Variants in FHL1 observed in about 807,000 individuals in gnomAD.
FHL1 encodes four and a half LIM domains 1, also known as four and a half LIM domains protein 1.
Under a neutral mutation model 20.3 loss-of-function variants are expected in FHL1, and 1 was observed. The ratio of observed to expected loss-of-function variants is 0.05; its 90% CI spans 0.02 to 0.23. The LOEUF is 0.23. FHL1 is among the 10% of genes least tolerant of loss of function. The pLI is 1.00. For missense variants in FHL1, 177 were observed against 234.0 expected (o/e 0.76, Z 1.59); for synonymous variants, 82 against 88.9 (o/e 0.92, Z 0.44).
rs2148373890 is a variant in FHL1, at chrX:136,207,208, C to T, written c.379+18C>T. ...TGTGGCAGGTACTGCCTCCTTCCCACCCCGGGTTCCCAGGGAGGAGGCCCT... is the reference window on the plus strand; with the variant it reads ...TGTGGCAGGTACTGCCTCCTTCCCATCCCGGGTTCCCAGGGAGGAGGCCCT... On this transcript the variant is annotated intron_variant, in intron 3 of 5. Coordinates refer to ENST00000370683, the MANE Select transcript of FHL1 (RefSeq NM_001159699.2). 3.4e-6 allele frequency: 4 copies of T among 1,188,486 alleles called. No individual in the cohort carries two copies. The highest frequency in any genetic ancestry group is 4.5e-6 in the Non-Finnish European group (4 of 880,631).
At chrX:136,155,856 AT>A (rs2072402995) in intron 1 of FHL1, among the ~76,000 whole-genome samples, 1 of 108,829 alleles carries the variant, frequency 9.2e-6, no homozygotes, top group African/African-American at 3.4e-5. Context: ...TCCTGTCGGC[AT>A]TTTACTGCTT....
upstream of FHL1, chrX:136,147,255 C>T (rs374325833): frequency 1.9e-4 from 23 of 122,901 alleles, no homozygotes; most frequent in East Asian, 5.1e-3. Context: ...GCGTGCCCGG[C>T]CCTCTCCAGT....
At chrX:136,163,159 T>C (rs961261454) in intron 1 of FHL1, among the ~76,000 whole-genome samples, 3 of 112,355 alleles carry the variant, frequency 2.7e-5, no homozygotes, top group Non-Finnish European at 5.6e-5. Context: ...ACATTGTCCA[T>C]TAAGATTCAA....
chrX:136,181,684 G>T (rs1465500415), intron 2 of FHL1, among the ~76,000 whole-genome samples: 1 of 112,224 alleles, frequency 8.9e-6, no homozygotes, highest in African/African-American at 3.2e-5. Context: ...ACCTGCTTGT[G>T]TGTAGCTGCA....
intron 1 of FHL1, among the ~76,000 whole-genome samples, chrX:136,151,187 C>A (rs1265653990): frequency 2.7e-5 from 3 of 112,694 alleles, no homozygotes; most frequent in African/African-American, 9.7e-5. Context: ...GCTAGATGCA[C>A]TCCACTGGCA....
chrX:136,210,415 C>CA lies in FHL1; in HGVS notation c.*391dup. 1 of 395,532 alleles carries CA rather than the reference C, an allele frequency of 2.5e-6. No individual in the cohort carries two copies. The highest frequency in any genetic ancestry group is 4.7e-6 in the Non-Finnish European group (1 of 211,091). The allele number at this position is 395,532 out of a possible 1,213,427, so 32.6% of individuals were successfully genotyped here. On this transcript the variant is annotated 3_prime_UTR_variant, in exon 6 of 6. Transcript: ENST00000370683. ...CCTCAGCTGGGACCCACCGTGTAGA[C>CA]ACACGACATGCAAGAGTTGCAGCGG...
intron 2 of FHL1, among the ~76,000 whole-genome samples, chrX:136,185,220 C>T (rs1334478087): frequency 5.3e-5 from 6 of 112,233 alleles, no homozygotes; most frequent in Admixed American, 3.8e-4. Context: ...CTGAATTAAT[C>T]TCTTCTCTGT....
At chrX:136,190,049 A>C (rs970775316) in intron 2 of FHL1, among the ~76,000 whole-genome samples, 2 of 111,908 alleles carry the variant, frequency 1.8e-5, no homozygotes, top group Non-Finnish European at 3.8e-5. Context: ...ACCTTAGATA[A>C]TCTGGTCTTA....
chrX:136,206,291 T>G lies in FHL1; in HGVS notation c.23-116T>G. On this transcript the variant is annotated intron_variant, in intron 1 of 5. Transcript: ENST00000370683. ...CTCGGCTGAAGGGGAAGCTGGGTCT[T>G]GGTCCTCAGACCCCATGGACTCCAA... is the stretch of plus-strand genomic sequence containing the variant. 8 of 912,004 alleles carry G rather than the reference T, an allele frequency of 8.8e-6. No homozygotes were observed. In the South Asian group the frequency reaches 1.6e-4, roughly 18 times the overall value. 75.2% of individuals were successfully genotyped at this position (912,004 alleles called of 1,213,427 possible). A position where few individuals can be genotyped will look rare whatever the true frequency, so the allele number is the denominator to read the frequency against.
Position 136,197,077 on chromosome X carries a change from G to A in FHL1, c.-36G>A. The A allele has an allele frequency of 8.3e-7, 1 of 1,202,210 alleles. No homozygotes were observed. ...TATCAGCTGGGGTTGAGGGAAGACT[G>A]GTCTAGGTGCTGCTCCTGAACTTGG... On this transcript the variant is annotated 5_prime_UTR_variant, in exon 1 of 6. Transcript: ENST00000370683.
chrX:136,199,933 G>C (rs5974586), intron 1 of FHL1, among the ~76,000 whole-genome samples: 45,878 of 110,553 alleles, frequency 0.41, 6,891 homozygotes, highest in African/African-American at 0.47. Context: ...CAAATCGACT[G>C]TAATGAGAGG....
At chrX:136,165,259 T>C (rs2072681549), upstream of FHL1, among the ~76,000 whole-genome samples, 1 of 112,067 alleles carries the variant, frequency 8.9e-6, no homozygotes, top group Admixed American at 9.5e-5. Context: ...AAATGAGGCA[T>C]CTTTAATCTG....
intron 2 of FHL1, among the ~76,000 whole-genome samples, chrX:136,172,614 A>G (rs767714556): frequency 8.8e-6 from 1 of 113,176 alleles, no homozygotes. Context: ...GAAGGCCCTA[A>G]AATGAAAATA....
At chrX:136,176,675 C>A (rs773466168) in intron 2 of FHL1, among the ~76,000 whole-genome samples, 124 of 111,386 alleles carry the variant, frequency 1.1e-3, no homozygotes, top group Non-Finnish European at 2.0e-3. Context: ...CTGAAAGATA[C>A]TTAAGTAAAA....
At chrX:136,152,719 CAAAAAAA>C (rs768022110) in intron 1 of FHL1, among the ~76,000 whole-genome samples, 10 of 53,014 alleles carry the variant, frequency 1.9e-4, no homozygotes, top group Middle Eastern at 0.011. Flanking sequence ...GACTCCATCT[CAAAAAAA>C]AAAAAAAAAA....
chrX:136,193,627 A>T (rs1306707569), upstream of FHL1, among the ~76,000 whole-genome samples: 1 of 111,451 alleles, frequency 9.0e-6, no homozygotes, highest in Non-Finnish European at 1.9e-5. Flanking sequence ...TCACAACCTC[A>T]GAGAGATCCT....
chrX:136,210,042 G>A lies in FHL1; in HGVS notation c.*17G>A, dbSNP rs750540064. 5.0e-6 allele frequency: 6 copies of A among 1,208,693 alleles called. No individual in the cohort carries two copies. The East Asian group carries it at 1.5e-4, about 30-fold the overall frequency. Reference sequence around the variant, plus strand: ...AAGCTGTAAACTGACAGGGGCTCCTGTCCTGTAAAATGGCATTTGAATCTC... The same window carrying A: ...AAGCTGTAAACTGACAGGGGCTCCTATCCTGTAAAATGGCATTTGAATCTC... On this transcript the variant is annotated 3_prime_UTR_variant, in exon 6 of 6. Transcript: ENST00000370683.
chrX:136,171,730 G>T (rs2072872524), intron 2 of FHL1, among the ~76,000 whole-genome samples: 2 of 112,027 alleles, frequency 1.8e-5, no homozygotes, highest in South Asian at 7.4e-4. Context: ...ATTTCAAGTG[G>T]TTTTATGATA....
intron 2 of FHL1, among the ~76,000 whole-genome samples, chrX:136,183,124 C>CAA (rs55708453): frequency 1.2e-4 from 12 of 103,032 alleles, no homozygotes; most frequent in Admixed American, 1.1e-4. Flanking sequence ...AACAAACAAA[C>CAA]AAAAAAAAAA....
Sources: gnomAD v4.1 joint callset for allele counts (sites outside exome capture counted in the v4.1 genomes callset) on GRCh38, gnomAD v4.1.1 for gene constraint, MANE v1.5 for transcripts, NCBI Gene and HGNC (gene_info 2026-07-23, HGNC 2026-07-21) for gene names.